TMEM87A: variants seen among roughly 807,000 people sequenced by gnomAD.
The protein encoded by TMEM87A is Golgi-pH regulating cation channel.
In TMEM87A, 50 loss-of-function variants were observed where a neutral mutation model predicts 90.0. The observed-to-expected ratio is 0.56, with a 90% CI of 0.44 to 0.70. The LOEUF is 0.70. Ranked by LOEUF, TMEM87A falls within the 30% of genes least tolerant of loss-of-function variation. The pLI is 0.00. For synonymous variants in TMEM87A, 226 were observed against 226.7 expected (o/e 1.00, Z 0.03); for missense variants, 577 against 660.5 (o/e 0.87, Z 1.39).
chr15:42,212,873 T>C (rs989590736), intron 19 of TMEM87A, among the ~76,000 whole-genome samples: 3 of 152,086 alleles, frequency 2.0e-5, no homozygotes, highest in African/African-American at 7.3e-5. Flanking sequence ...AAGGTCTTTT[T>C]CAGTTTTAAG....
chr15:42,238,901 G>A (rs2050823200), intron 8 of TMEM87A, among the ~76,000 whole-genome samples: 1 of 151,876 alleles, frequency 6.6e-6, no homozygotes, highest in Non-Finnish European at 1.5e-5. Flanking sequence ...CTATTAAAGG[G>A]AAAGGAAGAA....
At chr15:42,264,700 T>TA (rs35725330) in intron 3 of TMEM87A, among the ~76,000 whole-genome samples, 234 of 5,162 alleles carry the variant, frequency 0.045, 1 homozygote, top group Middle Eastern at 0.25. Context: ...TATATATATA[T>TA]TTTTTTTTTA....
chr15:42,264,223 A>G lies in TMEM87A; in HGVS notation c.292-20T>C, dbSNP rs750888784. The G allele has an allele frequency of 5.4e-5, 85 of 1,560,912 alleles. No individual in the cohort carries two copies. In the Admixed American group the frequency reaches 1.4e-3, roughly 26 times the overall value. On this transcript the variant is annotated intron_variant, in intron 3 of 19. Transcript: ENST00000389834. ...TTCTGCCTGGAAAAAGAGATAATAC[A>G]GAGTAGTTAACTCACCTTCCAAAAA... is the stretch of plus-strand genomic sequence containing the variant.
chr15:42,217,897 G>A, intron 18 of TMEM87A, 64 bp from the exon 19 acceptor site: 2 of 1,506,486 alleles, frequency 1.3e-6, no homozygotes, highest in Non-Finnish European at 1.8e-6. Context: ...GTTCATAAAA[G>A]ACAATGGAAT....
intron 6 of TMEM87A, 94 bp downstream of exon 6, chr15:42,260,864 A>C: frequency 7.4e-7 from 1 of 1,356,984 alleles, no homozygotes; most frequent in Non-Finnish European, 1.0e-6. Flanking sequence ...TTCTTTTCAA[A>C]TATTAGCATA....
In TMEM87A at chr15:42,226,873, G is replaced by T; in HGVS notation, c.1336C>A (p.Arg446Ser). 6.2e-7 allele frequency: 1 copy of T among 1,614,062 alleles called. No homozygotes were observed. The highest frequency in any genetic ancestry group is 8.5e-7 in the Non-Finnish European group (1 of 1,180,026). Residue 446 changes from arginine to serine, a missense_variant, in exon 15 of 20, where the codon CGC becomes AGC. Coordinates refer to ENST00000389834, the MANE Select transcript of TMEM87A (RefSeq NM_015497.5). Reference protein sequence around the residue: ...RELWVDDAIWRLLFSMILFVI... With the variant: ...RELWVDDAIWSLLFSMILFVI... ...AAGAGGATCATGGAGAACAGCAAGC[G>T]CCAGATGGCATCGTCTACCCACAGC...
intron 6 of TMEM87A, among the ~76,000 whole-genome samples, chr15:42,254,961 CTCCT>C (rs1289173393): frequency 1.7e-4 from 18 of 106,720 alleles, no homozygotes; most frequent in Admixed American, 3.5e-4. Flanking sequence ...TGTGGGAGGT[CTCCT>C]TTTTTTTTTT....
intron 15 of TMEM87A, among the ~76,000 whole-genome samples, chr15:42,226,128 T>C (rs148860578): frequency 1.8e-3 from 276 of 152,088 alleles, no homozygotes; most frequent in African/African-American, 6.3e-3. Context: ...GTTGCCCAAG[T>C]AGCTGGGATT....
chr15:42,256,227 GC>G (rs1409155477), intron 6 of TMEM87A, among the ~76,000 whole-genome samples: 1 of 152,032 alleles, frequency 6.6e-6, no homozygotes, highest in Non-Finnish European at 1.5e-5. Context: ...TACAACCTCT[GC>G]TTCTTGGGCT....
At chr15:42,252,634 T>C (rs1483425952) in intron 6 of TMEM87A, among the ~76,000 whole-genome samples, 1 of 152,096 alleles carries the variant, frequency 6.6e-6, no homozygotes, top group Non-Finnish European at 1.5e-5. Flanking sequence ...GTCCCATAGG[T>C]CTCTCAGGCT....
intron 12 of TMEM87A, among the ~76,000 whole-genome samples, chr15:42,230,545 T>C (rs780908512): frequency 1.3e-5 from 2 of 152,188 alleles, no homozygotes; most frequent in Non-Finnish European, 2.9e-5. Flanking sequence ...ATATATAAAT[T>C]TAATTTTAAA....
intron 3 of TMEM87A, among the ~76,000 whole-genome samples, chr15:42,264,683 G>GTATATATATATATA (rs1555409716): frequency 6.0e-5 from 7 of 116,362 alleles, no homozygotes; most frequent in African/African-American, 1.2e-4. Flanking sequence ...ATATGTGTGT[G>GTATATATATATATA]TATATATATA....
intron 4 of TMEM87A, among the ~76,000 whole-genome samples, 187 bp from the exon 5 acceptor site, chr15:42,261,436 T>C (rs1452690113): frequency 6.6e-5 from 10 of 152,118 alleles, no homozygotes; most frequent in Non-Finnish European, 4.4e-5. Flanking sequence ...TGCTGGGAAC[T>C]AGAAAATAGT....
chr15:42,219,209 T>G (rs374759651), intron 17 of TMEM87A, among the ~76,000 whole-genome samples: 26 of 152,358 alleles, frequency 1.7e-4, no homozygotes, highest in South Asian at 6.2e-4. Context: ...GTAGGTGTTA[T>G]GTTAAGAAAT....
intron 6 of TMEM87A, among the ~76,000 whole-genome samples, chr15:42,248,906 A>T (rs7164484): frequency 0.95 from 144,475 of 152,262 alleles, 68,960 homozygotes; most frequent in Non-Finnish European, 1. Context: ...TGTGAATCCA[A>T]CTGGTCCTGG....
At chr15:42,220,234 T>C (rs1308455212) in intron 15 of TMEM87A, 99 bp from the exon 16 acceptor site, 3 of 804,418 alleles carry the variant, frequency 3.7e-6, no homozygotes, top group Admixed American at 5.0e-5. Flanking sequence ...ACTGCAATTA[T>C]AGTAATTCAT....
At chr15:42,252,237 C>A (rs756297621) in intron 6 of TMEM87A, among the ~76,000 whole-genome samples, 6 of 152,152 alleles carry the variant, frequency 3.9e-5, no homozygotes, top group Non-Finnish European at 7.4e-5. Context: ...CTTCGGCTTG[C>A]CCTCCGTGGG....
rs2050285630 is a variant in TMEM87A, at chr15:42,211,481, A to G, written c.*227T>C. The G allele has an allele frequency of 4.3e-6, 2 of 460,016 alleles. No homozygotes were observed. Among genetic ancestry groups the G allele is most frequent in the South Asian group, 8.3e-5 (2 of 24,190 alleles). The allele number at this position is 460,016 out of a possible 1,614,324, so 28.5% of individuals were successfully genotyped here. A position where few individuals can be genotyped will look rare whatever the true frequency, so the allele number is the denominator to read the frequency against. ...AGAGTCTGGGAGGAAAGGGGGCAGC[A>G]GTGTTGTAAATAAGAAGCTCGTAGA... On this transcript the variant is annotated 3_prime_UTR_variant, in exon 20 of 20. Transcript: ENST00000389834.
At chr15:42,273,579 C>G, upstream of TMEM87A, 15 of 1,095,730 alleles carry the variant, frequency 1.4e-5, no homozygotes, top group Non-Finnish European at 1.9e-5. Context: ...AGACTTTGGA[C>G]CTACTGCGCA....
Sources: allele counts gnomAD v4.1 joint callset (sites outside exome capture counted in the v4.1 genomes callset), GRCh38; gene constraint gnomAD v4.1.1; transcripts MANE v1.5; gene names NCBI Gene and HGNC (gene_info 2026-07-23, HGNC 2026-07-21).